FALEC: variants seen among roughly 807,000 people sequenced by gnomAD.
The protein encoded by FALEC is focally amplified lncRNA regulator of ECM1, also known as focally amplified lncRNA on chromosome 1.
At chr1:150,532,535 G>A in the FALEC span, among the ~76,000 whole-genome samples, 11 of 152,118 alleles carry the variant, frequency 7.2e-5, no homozygotes, top group Non-Finnish European at 1.5e-4. Flanking sequence ...GAGACATGAG[G>A]GAAAGGCAGG....
downstream of FALEC, among the ~76,000 whole-genome samples, chr1:150,519,667 C>A (rs925270310): frequency 4.6e-5 from 7 of 151,524 alleles, no homozygotes; most frequent in Non-Finnish European, 4.4e-5. Context: ...CCAGCCTGGC[C>A]AAGATGGTGA....
At chr1:150,526,720 A>G in the FALEC span, among the ~76,000 whole-genome samples, 4 of 150,120 alleles carry the variant, frequency 2.7e-5, no homozygotes, top group African/African-American at 9.8e-5. Context: ...TGCATGCTCC[A>G]CCTCCTGGGT....
chr1:150,536,258 T>C, the FALEC span, among the ~76,000 whole-genome samples: 3 of 152,194 alleles, frequency 2.0e-5, no homozygotes, highest in Non-Finnish European at 4.4e-5. Flanking sequence ...AGTTTTGCAT[T>C]GATCACTGTC....
downstream of FALEC, among the ~76,000 whole-genome samples, chr1:150,522,877 A>ATATATACG (rs1670664785): frequency 1.1e-5 from 1 of 92,032 alleles, no homozygotes; most frequent in African/African-American, 4.4e-5. Context: ...GTATATATAC[A>ATATATACG]TATATATATA....
At chr1:150,536,521 G>T in the FALEC span, among the ~76,000 whole-genome samples, 2 of 152,216 alleles carry the variant, frequency 1.3e-5, no homozygotes, top group Non-Finnish European at 2.9e-5. Flanking sequence ...GCCAGGTGCA[G>T]TGGCTCACGC....
chr1:150,535,469 C>G, the FALEC span, among the ~76,000 whole-genome samples: 1 of 152,210 alleles, frequency 6.6e-6, no homozygotes, highest in Non-Finnish European at 1.5e-5. Flanking sequence ...ATCTCGAACT[C>G]GTGAGCTCAT....
chr1:150,524,130 G>A, the FALEC span, among the ~76,000 whole-genome samples: 1 of 152,178 alleles, frequency 6.6e-6, no homozygotes, highest in African/African-American at 2.4e-5. Flanking sequence ...TACGCTGCTA[G>A]ATTTGTTTTT....
chr1:150,516,215 TC>T (rs1466948277), intron 1 of FALEC, among the ~76,000 whole-genome samples: 1 of 151,454 alleles, frequency 6.6e-6, no homozygotes, highest in African/African-American at 2.4e-5. Flanking sequence ...GCCACCGCAC[TC>T]CAGCCTGGGC....
chr1:150,535,939 A>G, the FALEC span, among the ~76,000 whole-genome samples: 1 of 152,344 alleles, frequency 6.6e-6, no homozygotes, highest in African/African-American at 2.4e-5. Flanking sequence ...AGTGACTGCA[A>G]TTTCATCACA....
chr1:150,520,754 A>G (rs967887871), downstream of FALEC, among the ~76,000 whole-genome samples: 1 of 123,304 alleles, frequency 8.1e-6, no homozygotes, highest in African/African-American at 3.1e-5. Flanking sequence ...ATATACCTGT[A>G]GTTCATTCAT....
At chr1:150,535,682 C>G in the FALEC span, among the ~76,000 whole-genome samples, 2 of 152,222 alleles carry the variant, frequency 1.3e-5, no homozygotes, top group Non-Finnish European at 2.9e-5. Flanking sequence ...TGACGCTTGG[C>G]ATGGTCCATG....
the FALEC span, among the ~76,000 whole-genome samples, chr1:150,531,925 C>A: frequency 2.6e-5 from 4 of 152,316 alleles, no homozygotes; most frequent in East Asian, 7.7e-4. Context: ...GTGCAGATGG[C>A]TGACACCCTT....
chr1:150,534,364 C>G, the FALEC span, among the ~76,000 whole-genome samples: 1 of 152,322 alleles, frequency 6.6e-6, no homozygotes, highest in South Asian at 2.1e-4. Flanking sequence ...TTCTGAGCCC[C>G]GCACCTTCAT....
the FALEC span, among the ~76,000 whole-genome samples, chr1:150,530,023 G>T: frequency 1.4e-4 from 21 of 152,086 alleles, no homozygotes; most frequent in African/African-American, 5.1e-4. Flanking sequence ...CCTAACTTGG[G>T]TCAGCTCTTG....
At chr1:150,522,910 TATAC>T (rs1462423465), downstream of FALEC, among the ~76,000 whole-genome samples, 161 of 111,274 alleles carry the variant, frequency 1.4e-3, 4 homozygotes, top group African/African-American at 6.4e-3. Context: ...TATACATATA[TATAC>T]ATATATATAT....
At chr1:150,528,088 A>G in the FALEC span, among the ~76,000 whole-genome samples, 1 of 152,172 alleles carries the variant, frequency 6.6e-6, no homozygotes, top group Non-Finnish European at 1.5e-5. Context: ...CGGGGTGGGC[A>G]TATGACCCAG....
chr1:150,526,987 T>G, the FALEC span, among the ~76,000 whole-genome samples: 36 of 150,276 alleles, frequency 2.4e-4, no homozygotes, highest in Non-Finnish European at 3.8e-4. Context: ...CCAGGCTGGA[T>G]TGCAGTGGTG....
chr1:150,523,960 G>A, the FALEC span, among the ~76,000 whole-genome samples: 2 of 152,164 alleles, frequency 1.3e-5, no homozygotes, highest in African/African-American at 2.4e-5. Flanking sequence ...GGTGATTGAT[G>A]TGGGCAGCCA....
At chr1:150,527,500 C>T in the FALEC span, among the ~76,000 whole-genome samples, 2 of 151,858 alleles carry the variant, frequency 1.3e-5, no homozygotes, top group Admixed American at 6.6e-5. Flanking sequence ...CTCAGGTGAT[C>T]TGCCCGCCTC....
Sources: allele counts gnomAD v4.1 joint callset (sites outside exome capture counted in the v4.1 genomes callset), GRCh38; gene constraint gnomAD v4.1.1; transcripts MANE v1.5; gene names NCBI Gene and HGNC (gene_info 2026-07-23, HGNC 2026-07-21).